The following PABPC4L variants were observed in gnomAD, a reference collection of about 807,000 sequenced individuals.
PABPC4L encodes the protein poly(A) binding protein cytoplasmic 4 like.
For missense variants in PABPC4L, 452 were observed against 451.4 expected, an observed-to-expected ratio of 1.00 and a Z score of -0.01; for synonymous variants, 169 against 164.1, an observed-to-expected ratio of 1.03 and a Z score of -0.23.
At chr4:134,141,593 A>G in the PABPC4L span, among the ~76,000 whole-genome samples, 1 of 151,450 alleles carries the variant, frequency 6.6e-6, no homozygotes, top group Non-Finnish European at 1.5e-5. Flanking sequence ...TTATTGTTAA[A>G]GTTTTACAGG....
chr4:134,043,684 C>A, the PABPC4L span, among the ~76,000 whole-genome samples: 29,926 of 118,940 alleles, frequency 0.25, 4,076 homozygotes, highest in East Asian at 0.62. Flanking sequence ...AAAGAAAAAA[C>A]AAAATACATC....
chr4:134,169,608 T>C, the PABPC4L span, among the ~76,000 whole-genome samples: 772 of 151,436 alleles, frequency 5.1e-3, 3 homozygotes, highest in Middle Eastern at 6.8e-3. Context: ...GGATACAAAA[T>C]CAACCAACAA....
At chr4:134,145,333 G>A in the PABPC4L span, among the ~76,000 whole-genome samples, 3 of 151,794 alleles carry the variant, frequency 2.0e-5, no homozygotes, top group African/African-American at 4.8e-5. Context: ...AAAAGAAAAA[G>A]ATTGGGAAAT....
chr4:133,978,485 G>T, the PABPC4L span, among the ~76,000 whole-genome samples: 7 of 152,006 alleles, frequency 4.6e-5, no homozygotes, highest in African/African-American at 1.5e-4. Flanking sequence ...ATGTAATTGC[G>T]TGCACCTGTG....
chr4:134,167,703 T>C, the PABPC4L span, among the ~76,000 whole-genome samples: 9 of 151,650 alleles, frequency 5.9e-5, no homozygotes, highest in African/African-American at 2.2e-4. Context: ...AAAATAATTA[T>C]ATAATAATAA....
chr4:134,092,238 C>G, the PABPC4L span, among the ~76,000 whole-genome samples: 1 of 151,910 alleles, frequency 6.6e-6, no homozygotes, highest in Admixed American at 6.6e-5. Flanking sequence ...GCCTGCCACA[C>G]CCCCATCCTC....
the PABPC4L span, among the ~76,000 whole-genome samples, chr4:134,014,805 C>G: frequency 6.6e-6 from 1 of 152,056 alleles, no homozygotes; most frequent in Non-Finnish European, 1.5e-5. Flanking sequence ...TCCCTTGCCT[C>G]CATAACTGTT....
At chr4:134,111,570 A>T in the PABPC4L span, among the ~76,000 whole-genome samples, 1 of 151,938 alleles carries the variant, frequency 6.6e-6, no homozygotes, top group African/African-American at 2.4e-5. Flanking sequence ...CATTGACCAC[A>T]CAGAAAATCT....
At chr4:134,001,963 C>T in the PABPC4L span, among the ~76,000 whole-genome samples, 22 of 151,966 alleles carry the variant, frequency 1.4e-4, no homozygotes, top group African/African-American at 5.3e-4. Context: ...TGAAAAGCCA[C>T]AGATTCTTGA....
At chr4:133,994,984 T>C in the PABPC4L span, among the ~76,000 whole-genome samples, 8 of 152,212 alleles carry the variant, frequency 5.3e-5, no homozygotes, top group East Asian at 1.2e-3. Flanking sequence ...GACTAATTTT[T>C]TGGAGCAGAG....
the PABPC4L span, among the ~76,000 whole-genome samples, chr4:134,077,281 T>C: frequency 3.3e-5 from 5 of 152,272 alleles, no homozygotes; most frequent in East Asian, 9.7e-4. Flanking sequence ...ATATATTCAG[T>C]GCAGCCATAA....
the PABPC4L span, among the ~76,000 whole-genome samples, chr4:134,055,245 C>T: frequency 6.6e-6 from 1 of 151,664 alleles, no homozygotes; most frequent in Non-Finnish European, 1.5e-5. Flanking sequence ...CACAACAAAA[C>T]AAGAATAAAG....
At chr4:134,163,919 C>A in the PABPC4L span, among the ~76,000 whole-genome samples, 1 of 152,100 alleles carries the variant, frequency 6.6e-6, no homozygotes, top group African/African-American at 2.4e-5. Flanking sequence ...AGCATCCCCA[C>A]AAAGAACTGG....
rs1179855389 is a variant in PABPC4L at position 134,201,043 on chromosome 4, T to C, written c.-24A>G. 6.4e-7 allele frequency: 1 copy of C among 1,551,538 alleles called. No individual in the cohort carries two copies. ...ATCTCCTTGTCCTTGCCACTGTGAGTTTGTCCCCTGGAGTTCTTTGAGCAA... is the reference window on the plus strand; with the variant it reads ...ATCTCCTTGTCCTTGCCACTGTGAGCTTGTCCCCTGGAGTTCTTTGAGCAA... On this transcript the variant is annotated 5_prime_UTR_variant, in exon 2 of 2. Transcript: ENST00000421491.
chr4:133,981,972 A>G, the PABPC4L span, among the ~76,000 whole-genome samples: 1 of 151,984 alleles, frequency 6.6e-6, no homozygotes, highest in Non-Finnish European at 1.5e-5. Context: ...ACTTTTTTGT[A>G]TATTTAATAA....
chr4:134,123,542 G>T, the PABPC4L span, among the ~76,000 whole-genome samples: 1 of 151,938 alleles, frequency 6.6e-6, no homozygotes, highest in Admixed American at 6.6e-5. Flanking sequence ...TGGTTACAAA[G>T]AAATTTTACC....
the PABPC4L span, among the ~76,000 whole-genome samples, chr4:133,979,315 G>A: frequency 6.6e-6 from 1 of 152,126 alleles, no homozygotes; most frequent in African/African-American, 2.4e-5. Flanking sequence ...AATTTTGTAA[G>A]CTAATCCTAA....
the PABPC4L span, among the ~76,000 whole-genome samples, chr4:133,973,161 C>A: frequency 6.6e-6 from 1 of 152,014 alleles, no homozygotes; most frequent in Non-Finnish European, 1.5e-5. Context: ...TGCCATAAAT[C>A]CCAATTAAAT....
At chr4:133,957,331 T>A in the PABPC4L span, among the ~76,000 whole-genome samples, 5 of 152,126 alleles carry the variant, frequency 3.3e-5, no homozygotes, top group Admixed American at 6.6e-5. Context: ...AACCTTACAG[T>A]TGGTACATAA....
Sources: allele counts gnomAD v4.1 joint callset (sites outside exome capture counted in the v4.1 genomes callset), GRCh38; gene constraint gnomAD v4.1.1; transcripts MANE v1.5; gene names NCBI Gene and HGNC (gene_info 2026-07-23, HGNC 2026-07-21).